The following ERC2 variants were observed in gnomAD, a reference collection of about 807,000 sequenced individuals.
The protein encoded by ERC2 is ELKS/RAB6-interacting/CAST family member 2.
Under a neutral mutation model 114.8 loss-of-function variants are expected in ERC2, and 42 were observed. The observed-to-expected ratio is 0.37, with a 90% CI of 0.29 to 0.47. The LOEUF (loss-of-function observed/expected upper bound fraction) is 0.47. ERC2 is among the 20% of genes least tolerant of loss of function. ERC2 has a pLI of 0.99. For missense variants in ERC2, 939 were observed against 1,150.7 expected (o/e 0.82, Z 2.66); for synonymous variants, 454 against 425.5 (o/e 1.07, Z -0.82).
intron 2 of ERC2, among the ~76,000 whole-genome samples, chr3:56,402,343 AG>A (rs1413488122): frequency 1.7e-4 from 26 of 152,280 alleles, no homozygotes; most frequent in Admixed American, 1.2e-3. Context: ...CATGGAAAGG[AG>A]TGGTAACCTC....
At chr3:55,922,448 T>C (rs1209178024) in intron 13 of ERC2, among the ~76,000 whole-genome samples, 1 of 152,092 alleles carries the variant, frequency 6.6e-6, no homozygotes, top group Non-Finnish European at 1.5e-5. Flanking sequence ...TTTTGGTCTC[T>C]CTGTGTCTCC....
At chr3:56,456,854 A>G (rs1299422851) in intron 1 of ERC2, among the ~76,000 whole-genome samples, 1 of 152,230 alleles carries the variant, frequency 6.6e-6, no homozygotes. Flanking sequence ...GTCATGGTAC[A>G]GTAGCTCAGA....
At chr3:56,315,075 T>C (rs1421186072) in intron 2 of ERC2, among the ~76,000 whole-genome samples, 1 of 152,186 alleles carries the variant, frequency 6.6e-6, no homozygotes, top group Non-Finnish European at 1.5e-5. Context: ...ACAGCCGCCA[T>C]AACCACATTC....
rs146305746 is a variant in ERC2, at chr3:56,184,002, A to G, written c.1075-10482T>C. On this transcript the variant is annotated intron_variant, in intron 3 of 17. Coordinates refer to ENST00000288221, the MANE Select transcript of ERC2 (RefSeq NM_015576.3). ...TAGATAAATACAGTAGGAAGTTATT[A>G]GTAAATTATTTTTCAGCTGTCACAA... Among the ~76,000 whole-genome samples, 510 of 152,310 alleles carry G rather than the reference A, an allele frequency of 3.3e-3. 1 individual carries two copies. The highest frequency in any genetic ancestry group is 0.012 in the African/African-American group (487 of 41,578).
intron 17 of ERC2, among the ~76,000 whole-genome samples, chr3:55,531,630 A>T (rs145459727): frequency 1.4e-3 from 218 of 152,342 alleles, no homozygotes; most frequent in Middle Eastern, 3.4e-3. Context: ...TGCACAAATC[A>T]CAGATACTCA....
At chr3:56,266,915 T>G (rs1377331325) in intron 3 of ERC2, among the ~76,000 whole-genome samples, 1 of 152,188 alleles carries the variant, frequency 6.6e-6, no homozygotes, top group African/African-American at 2.4e-5. Flanking sequence ...TAAAGATATC[T>G]GCACTCCCAC....
chr3:56,246,132 G>C (rs1576057253), intron 3 of ERC2, among the ~76,000 whole-genome samples: 1 of 137,828 alleles, frequency 7.3e-6, no homozygotes, highest in East Asian at 2.1e-4. Flanking sequence ...TTCATGAATT[G>C]TCATCCCATA....
chr3:56,117,741 G>C (rs1246933015), intron 6 of ERC2, among the ~76,000 whole-genome samples: 2 of 152,138 alleles, frequency 1.3e-5, no homozygotes, highest in Non-Finnish European at 2.9e-5. Flanking sequence ...AAATACACAA[G>C]AAAAATCACA....
chr3:55,610,303 C>T (rs367945220), intron 17 of ERC2, among the ~76,000 whole-genome samples: 128 of 152,084 alleles, frequency 8.4e-4, no homozygotes, highest in African/African-American at 2.9e-3. Flanking sequence ...TTCCCCAGCT[C>T]CCCATTTCCT....
At chr3:56,443,243 A>G (rs2062401215) in intron 1 of ERC2, among the ~76,000 whole-genome samples, 1 of 152,254 alleles carries the variant, frequency 6.6e-6, no homozygotes. Context: ...GCAAGAGATT[A>G]TGTTCAATTC....
intron 4 of ERC2, among the ~76,000 whole-genome samples, chr3:56,168,771 A>G (rs975741688): frequency 2.6e-5 from 4 of 152,250 alleles, no homozygotes; most frequent in African/African-American, 9.6e-5. Flanking sequence ...GGTCAGCTCC[A>G]TGCAGAACAA....
intron 7 of ERC2, among the ~76,000 whole-genome samples, chr3:56,034,157 CA>C (rs556770394): frequency 5.1e-4 from 77 of 151,668 alleles, no homozygotes; most frequent in Middle Eastern, 3.4e-3. Flanking sequence ...AAATTGTAAG[CA>C]AAAAAGAATA....
chr3:56,436,422 A>G (rs1480688802), intron 1 of ERC2, among the ~76,000 whole-genome samples: 3 of 152,220 alleles, frequency 2.0e-5, no homozygotes, highest in Non-Finnish European at 4.4e-5. Context: ...AGATAAGTAC[A>G]TTAATAGCAG....
intron 1 of ERC2, among the ~76,000 whole-genome samples, chr3:56,441,211 G>T (rs1256382208): frequency 6.6e-6 from 1 of 152,132 alleles, no homozygotes; most frequent in Non-Finnish European, 1.5e-5. Flanking sequence ...ACAGAGAGAG[G>T]CCACGTGAAG....
intron 17 of ERC2, among the ~76,000 whole-genome samples, chr3:55,616,811 G>A (rs2059140034): frequency 6.6e-6 from 1 of 152,056 alleles, no homozygotes; most frequent in South Asian, 2.1e-4. Context: ...TGGAACCCAG[G>A]AGTGCCTGAC....
In ERC2 at chr3:55,515,196, T is replaced by G. The variant is rs560486022; in HGVS notation, c.*40-3920A>C. Among the ~76,000 whole-genome samples, 4 of 152,340 alleles carry G rather than the reference T, an allele frequency of 2.6e-5. No homozygotes were observed. In the East Asian group the frequency reaches 5.8e-4, roughly 22 times the overall value. On this transcript the variant is annotated intron_variant, in intron 17 of 17. Coordinates refer to ENST00000288221, the MANE Select transcript of ERC2 (RefSeq NM_015576.3). Reference sequence around the variant, plus strand: ...TATTTTCTTTTGATAGGAAAAGATGTCCGTCCACAACTTTTCAGTGGAAAA... The same window carrying G: ...TATTTTCTTTTGATAGGAAAAGATGGCCGTCCACAACTTTTCAGTGGAAAA...
At chr3:56,301,323 T>G (rs1234328298) in intron 2 of ERC2, among the ~76,000 whole-genome samples, 1 of 152,256 alleles carries the variant, frequency 6.6e-6, no homozygotes, top group Non-Finnish European at 1.5e-5. Flanking sequence ...TTTTTCATTT[T>G]CTTTTAGTTT....
chr3:56,023,806 G>GGAAGGAAGGAAGGAAGGAAGGAAGGAAT (rs1429799149), intron 7 of ERC2, among the ~76,000 whole-genome samples: 1 of 151,816 alleles, frequency 6.6e-6, no homozygotes, highest in Admixed American at 6.6e-5. Flanking sequence ...AAGGAAGGAA[G>GGAAGGAAGGAAGGAAGGAAGGAAGGAAT]GAAGGAATTC....
At chr3:55,901,352 T>C (rs959842375) in intron 13 of ERC2, among the ~76,000 whole-genome samples, 1 of 152,166 alleles carries the variant, frequency 6.6e-6, no homozygotes, top group Non-Finnish European at 1.5e-5. Context: ...TAGAGTCTCA[T>C]AAGGTTGCTA....
Sources: gnomAD v4.1 joint callset for allele counts (sites outside exome capture counted in the v4.1 genomes callset) on GRCh38, gnomAD v4.1.1 for gene constraint, MANE v1.5 for transcripts, NCBI Gene and HGNC (gene_info 2026-07-23, HGNC 2026-07-21) for gene names.